The following SOX6 variants were observed in gnomAD, a reference collection of about 807,000 sequenced individuals.
SOX6 encodes transcription factor SOX-6.
In SOX6, 11 loss-of-function variants were observed where a neutral mutation model predicts 97.8. That is an observed-to-expected ratio of 0.11 (90% CI 0.07 to 0.19). SOX6 has a LOEUF of 0.19. Among genes scored for constraint, SOX6 ranks in the 10% least tolerant of loss-of-function variants. The pLI is 1.00. For missense variants in SOX6, 810 were observed against 1,039.5 expected, an observed-to-expected ratio of 0.78 and a Z score of 3.04; for synonymous variants, 360 against 371.4, an observed-to-expected ratio of 0.97 and a Z score of 0.35.
chr11:16,444,315 A>G (rs1859570776), intron 1 of SOX6, among the ~76,000 whole-genome samples: 1 of 152,196 alleles, frequency 6.6e-6, no homozygotes, highest in Non-Finnish European at 1.5e-5. Flanking sequence ...TTTCTGAGAT[A>G]GCATGGAATA....
At chr11:16,044,163 A>G (rs1462134700) in intron 12 of SOX6, among the ~76,000 whole-genome samples, 2 of 152,136 alleles carry the variant, frequency 1.3e-5, no homozygotes, top group East Asian at 3.8e-4. Flanking sequence ...ATAAACCTGC[A>G]TGCTGATCTT....
chr11:16,686,668 G>C (rs1325919914), intron 3 of SOX6, among the ~76,000 whole-genome samples: 1 of 152,064 alleles, frequency 6.6e-6, no homozygotes, highest in Admixed American at 6.5e-5. Flanking sequence ...TCATTTTCCT[G>C]TCTTCTGTCC....
chr11:16,120,200 C>G (rs974212493), intron 6 of SOX6, among the ~76,000 whole-genome samples: 1 of 144,656 alleles, frequency 6.9e-6, no homozygotes, highest in African/African-American at 2.6e-5. Context: ...TCTCTCACTC[C>G]CCCTCCTGCT....
At chr11:16,444,042 C>A (rs1859565106) in intron 1 of SOX6, among the ~76,000 whole-genome samples, 1 of 150,044 alleles carries the variant, frequency 6.7e-6, no homozygotes, top group African/African-American at 2.4e-5. Context: ...TTGCCCCGAC[C>A]TTTTTTTAAG....
At chr11:16,659,602 T>C (rs1033528729) in intron 3 of SOX6, among the ~76,000 whole-genome samples, 9 of 152,204 alleles carry the variant, frequency 5.9e-5, no homozygotes, top group Non-Finnish European at 1.3e-4. Flanking sequence ...ATTGACTCCA[T>C]AGATCAAGTT....
At chr11:16,209,750 C>G (rs575052030) in intron 4 of SOX6, among the ~76,000 whole-genome samples, 193 of 150,876 alleles carry the variant, frequency 1.3e-3, no homozygotes, top group African/African-American at 4.5e-3. Context: ...GAGACTCTGT[C>G]TCAAAAAAAA....
At chr11:16,464,452 A>G (rs574261865) in intron 1 of SOX6, among the ~76,000 whole-genome samples, 1 of 151,950 alleles carries the variant, frequency 6.6e-6, no homozygotes, top group Non-Finnish European at 1.5e-5. Context: ...CTCTTTCTAA[A>G]TGAAAAAAAA....
intron 3 of SOX6, chr11:16,312,119 G>C (rs1461433627): frequency 6.6e-6 from 1 of 151,902 alleles, no homozygotes; most frequent in Non-Finnish European, 1.5e-5. Context: ...AATTCCACTG[G>C]GCAAATACTC....
At chr11:16,603,781 C>A (rs1716584255) in intron 4 of SOX6, among the ~76,000 whole-genome samples, 1 of 151,926 alleles carries the variant, frequency 6.6e-6, no homozygotes, top group South Asian at 2.1e-4. Flanking sequence ...AGTTGAACAG[C>A]CGAAAAATAA....
intron 4 of SOX6, among the ~76,000 whole-genome samples, chr11:16,564,277 G>A (rs1211547762): frequency 6.6e-6 from 1 of 152,112 alleles, no homozygotes; most frequent in Non-Finnish European, 1.5e-5. Flanking sequence ...TGCCTAATGT[G>A]GTTCTAAATG....
chr11:16,539,462 C>T (rs1375297317), intron 4 of SOX6, among the ~76,000 whole-genome samples: 1 of 152,012 alleles, frequency 6.6e-6, no homozygotes, highest in East Asian at 1.9e-4. Flanking sequence ...AAAGATATAA[C>T]TAAGATCGGA....
rs143903273 is a variant in SOX6, at chr11:16,293,881, G to A, written c.445+24565C>T. 7.0e-3 allele frequency among the ~76,000 whole-genome samples: 1,070 copies of A among 152,032 alleles called. 8 individuals carry two copies. The highest frequency in any genetic ancestry group is 0.025 in the African/African-American group (1,022 of 41,476). On this transcript the variant is annotated intron_variant, in intron 3 of 15. Transcript: ENST00000683767. ...GCCCTACATCTCCTCTGCTTGCACT[G>A]TTCTGAGGCTGTCAAAAACCCAGAG...
chr11:16,730,025 C>G (rs930829389), intron 2 of SOX6, among the ~76,000 whole-genome samples: 1 of 66,244 alleles, frequency 1.5e-5, no homozygotes, highest in African/African-American at 4.9e-5. Flanking sequence ...AGCTAACTAT[C>G]CTAAATATAT....
At chr11:16,025,490 G>A (rs1426509043) in intron 12 of SOX6, among the ~76,000 whole-genome samples, 2 of 152,086 alleles carry the variant, frequency 1.3e-5, no homozygotes, top group Admixed American at 1.3e-4. Context: ...TTAATGACCA[G>A]CTAAGCAAAT....
At chr11:16,302,728 C>A (rs1855301602) in intron 3 of SOX6, among the ~76,000 whole-genome samples, 1 of 151,880 alleles carries the variant, frequency 6.6e-6, no homozygotes, top group Admixed American at 6.6e-5. Flanking sequence ...CGCCACCACA[C>A]CCAACTAATT....
chr11:16,407,643 C>A (rs1033832966), intron 1 of SOX6, among the ~76,000 whole-genome samples: 1 of 152,178 alleles, frequency 6.6e-6, no homozygotes, highest in African/African-American at 2.4e-5. Flanking sequence ...TCCTATAGCA[C>A]CACTCAACAA....
intron 1 of SOX6, among the ~76,000 whole-genome samples, chr11:16,373,611 A>G (rs1857551077): frequency 6.6e-6 from 1 of 152,034 alleles, no homozygotes; most frequent in Admixed American, 6.6e-5. Context: ...TAATTTCCAG[A>G]GATACAATCA....
At chr11:16,172,345 A>G (rs1851062224) in intron 6 of SOX6, among the ~76,000 whole-genome samples, 1 of 152,124 alleles carries the variant, frequency 6.6e-6, no homozygotes, top group African/African-American at 2.4e-5. Context: ...TTTCCATTAT[A>G]TAGCCGTAAT....
intron 4 of SOX6, among the ~76,000 whole-genome samples, chr11:16,200,476 T>A (rs1232772355): frequency 1.3e-5 from 2 of 152,196 alleles, no homozygotes; most frequent in African/African-American, 4.8e-5. Flanking sequence ...TAAAACAGAG[T>A]TGAAAGTTTT....
Sources: allele counts gnomAD v4.1 joint callset (sites outside exome capture counted in the v4.1 genomes callset), GRCh38; gene constraint gnomAD v4.1.1; transcripts MANE v1.5; gene names NCBI Gene and HGNC (gene_info 2026-07-23, HGNC 2026-07-21).